The following ARPP21 variants were observed in gnomAD, a reference collection of about 807,000 sequenced individuals.
The protein encoded by ARPP21 is cAMP-regulated phosphoprotein 21.
In ARPP21, 69 loss-of-function variants were observed where a neutral mutation model predicts 113.2. The ratio of observed to expected loss-of-function variants is 0.61; its 90% CI spans 0.50 to 0.74. The LOEUF is 0.74. Among genes scored for constraint, ARPP21 ranks in the 30% least tolerant of loss-of-function variants. ARPP21 has a pLI of 0.00. For missense variants in ARPP21, 1,070 were observed against 1,037.4 expected, an observed-to-expected ratio of 1.03 and a Z score of -0.43; for synonymous variants, 368 against 375.5, an observed-to-expected ratio of 0.98 and a Z score of 0.23.
chr3:35,747,961 A>AAG (rs71634571), intron 19 of ARPP21, among the ~76,000 whole-genome samples: 5 of 147,612 alleles, frequency 3.4e-5, no homozygotes, highest in African/African-American at 1.0e-4. Context: ...GAAAGAAAGA[A>AAG]AGAGAGAGAG....
chr3:35,712,298 G>A (rs573989231), intron 11 of ARPP21, among the ~76,000 whole-genome samples: 2 of 152,264 alleles, frequency 1.3e-5, no homozygotes, highest in East Asian at 3.9e-4. Context: ...TGAAAACTGA[G>A]CTAACAAAGC....
At chr3:35,738,155 T>C in intron 16 of ARPP21, 59 bp from the exon 17 acceptor site, 4 of 1,085,714 alleles carry the variant, frequency 3.7e-6, no homozygotes, top group Non-Finnish European at 5.4e-6. Context: ...GGTGTGCATC[T>C]TGTGAGATTT....
chr3:35,774,529 C>T (rs1041320009), intron 19 of ARPP21, among the ~76,000 whole-genome samples: 18 of 152,058 alleles, frequency 1.2e-4, no homozygotes, highest in Non-Finnish European at 2.6e-4. Flanking sequence ...TACTTAGAAT[C>T]CTTCTGGAGG....
chr3:35,793,691 C>CT lies in ARPP21; in HGVS notation c.2287-5dup. 1 of 1,610,746 alleles carries CT rather than the reference C, an allele frequency of 6.2e-7. No homozygotes were observed. Among genetic ancestry groups the CT allele is most frequent in the Non-Finnish European group, 8.5e-7 (1 of 1,176,926 alleles). On this transcript the variant is annotated splice_polypyrimidine_tract_variant and intron_variant, in intron 20 of 20. Transcript: ENST00000684406. ...CTTCATACAGGGTTCTTGCTTGTGT[C>CT]TTTTTACAGGTGCCAATGACCCAGG...
chr3:35,712,331 T>C (rs1276140582), intron 11 of ARPP21, among the ~76,000 whole-genome samples: 3 of 152,214 alleles, frequency 2.0e-5, no homozygotes, highest in Non-Finnish European at 4.4e-5. Flanking sequence ...CAATTATTAT[T>C]TAAGCAGTGG....
In ARPP21 at chr3:35,664,533, G is replaced by A. The variant is rs1709300685; in HGVS notation, c.-212-15254G>A. Among the ~76,000 whole-genome samples the A allele has an allele frequency of 2.6e-5, 4 of 152,146 alleles. No individual in the cohort carries two copies. The South Asian group carries it at 8.3e-4, about 32-fold the overall frequency. ...CAAGTCCCCAGGTGGCTCTGCCAGAGCGTTCACGATGACGTCCCATTCCTG... is the reference window on the plus strand; with the variant it reads ...CAAGTCCCCAGGTGGCTCTGCCAGAACGTTCACGATGACGTCCCATTCCTG... On this transcript the variant is annotated intron_variant, in intron 1 of 20. Transcript: ENST00000684406.
chr3:35,791,483 C>T (rs1035955526), intron 19 of ARPP21, among the ~76,000 whole-genome samples: 6 of 152,024 alleles, frequency 3.9e-5, no homozygotes, highest in African/African-American at 1.4e-4. Context: ...GTCATTTTCA[C>T]CTAAATCATA....
chr3:35,689,259 A>G (rs1424182171), intron 6 of ARPP21, 48 bp from the exon 7 acceptor site: 5 of 876,322 alleles, frequency 5.7e-6, no homozygotes, highest in South Asian at 5.3e-5. Context: ...TTTCTACCCC[A>G]CCTTTCCACC....
At chr3:35,753,339 A>C (rs896619115) in intron 19 of ARPP21, among the ~76,000 whole-genome samples, 5 of 152,056 alleles carry the variant, frequency 3.3e-5, no homozygotes, top group African/African-American at 1.2e-4. Context: ...TCAAAGTTCA[A>C]ACACCCAAGG....
chr3:35,656,057 T>C lies in ARPP21; in HGVS notation c.-213+15659T>C, dbSNP rs538774865. On this transcript the variant is annotated intron_variant, in intron 1 of 20. Transcript: ENST00000684406. Reference sequence around the variant, plus strand: ...AATATTATAAAATTTCAAAACAAACTAATCTTAGAATAACTTTGAATTTAC... The same window carrying C: ...AATATTATAAAATTTCAAAACAAACCAATCTTAGAATAACTTTGAATTTAC... 2.2e-4 allele frequency among the ~76,000 whole-genome samples: 33 copies of C among 152,256 alleles called. No homozygotes were observed. The South Asian group carries it at 5.8e-3, about 27-fold the overall frequency.
intron 16 of ARPP21, 80 bp from the exon 17 acceptor site, chr3:35,738,134 T>C: frequency 1.1e-6 from 1 of 875,008 alleles, no homozygotes; most frequent in Non-Finnish European, 1.8e-6. Context: ...AGAGAGCCTA[T>C]GAAGGACAGT....
intron 13 of ARPP21, among the ~76,000 whole-genome samples, chr3:35,719,905 G>A (rs1479179283): frequency 6.6e-6 from 1 of 152,186 alleles, no homozygotes; most frequent in Non-Finnish European, 1.5e-5. Flanking sequence ...TTATATGGGA[G>A]AAGAATGAAG....
chr3:35,789,366 A>G (rs1577069517), intron 19 of ARPP21, among the ~76,000 whole-genome samples: 1 of 152,328 alleles, frequency 6.6e-6, no homozygotes, highest in African/African-American at 2.4e-5. Context: ...CTTAAAGACC[A>G]TTCTGCTCTA....
chr3:35,715,501 G>T (rs756162244), intron 12 of ARPP21, 25 bp downstream of exon 12: 9 of 1,585,834 alleles, frequency 5.7e-6, no homozygotes, highest in African/African-American at 4.0e-5. Flanking sequence ...ACTTTTCCAT[G>T]TCTTTAGAGG....
intron 19 of ARPP21, among the ~76,000 whole-genome samples, chr3:35,786,539 A>G (rs1026246208): frequency 6.6e-5 from 10 of 152,096 alleles, no homozygotes; most frequent in Non-Finnish European, 1.3e-4. Flanking sequence ...AAAAAAAAAA[A>G]AAAGTTCTAC....
chr3:35,788,292 T>G (rs1379802734), intron 19 of ARPP21, among the ~76,000 whole-genome samples: 2 of 152,224 alleles, frequency 1.3e-5, no homozygotes, highest in Non-Finnish European at 2.9e-5. Context: ...GAGCAGAGTT[T>G]GATTCAGAAT....
intron 1 of ARPP21, among the ~76,000 whole-genome samples, chr3:35,644,331 C>T (rs1412711293): frequency 1.3e-5 from 2 of 151,696 alleles, no homozygotes; most frequent in Non-Finnish European, 3.0e-5. Flanking sequence ...TATTGAAGTA[C>T]ATGTTACTTG....
At chr3:35,738,435 G>A (rs2094483410) in intron 17 of ARPP21, 117 bp downstream of exon 17, 1 of 723,032 alleles carries the variant, frequency 1.4e-6, no homozygotes, top group Non-Finnish European at 2.3e-6. Context: ...GACTGTGAGG[G>A]GGTATGTGCG....
At chr3:35,687,059 A>G (rs1268207235) in intron 5 of ARPP21, among the ~76,000 whole-genome samples, 3 of 151,182 alleles carry the variant, frequency 2.0e-5, no homozygotes, top group African/African-American at 7.3e-5. Flanking sequence ...ATTATTTATG[A>G]AAAATATAAT....
Sources: allele counts gnomAD v4.1 joint callset (sites outside exome capture counted in the v4.1 genomes callset), GRCh38; gene constraint gnomAD v4.1.1; transcripts MANE v1.5; gene names NCBI Gene and HGNC (gene_info 2026-07-23, HGNC 2026-07-21).